SH3RF3: variants seen among roughly 807,000 people sequenced by gnomAD.
SH3RF3 encodes the protein SH3 domain containing ring finger 3, also known as E3 ubiquitin-protein ligase SH3RF3.
A neutral mutation model predicts 66.3 loss-of-function variants in SH3RF3; 29 were observed. The observed-to-expected ratio is 0.44, with a 90% CI of 0.33 to 0.60. SH3RF3 has a LOEUF of 0.60. SH3RF3 is among the 20% of genes least tolerant of loss of function. SH3RF3 has a pLI of 0.04. For synonymous variants in SH3RF3, 583 were observed against 532.0 expected (o/e 1.10, Z -1.32); for missense variants, 1,194 against 1,190.9 (o/e 1.00, Z -0.04).
chr2:109,374,906 C>T (rs534957576), intron 3 of SH3RF3, among the ~76,000 whole-genome samples: 9 of 152,204 alleles, frequency 5.9e-5, no homozygotes, highest in East Asian at 1.9e-4. Flanking sequence ...ACAAAGTAAA[C>T]GAGAGTGTGC....
chr2:109,169,781 C>G (rs937441733), intron 1 of SH3RF3, among the ~76,000 whole-genome samples: 1 of 151,596 alleles, frequency 6.6e-6, no homozygotes, highest in Non-Finnish European at 1.5e-5. Context: ...CATGACCCCC[C>G]AAAATCAAAT....
chr2:109,484,444 T>C (rs1292762912), intron 8 of SH3RF3, among the ~76,000 whole-genome samples: 1 of 152,096 alleles, frequency 6.6e-6, no homozygotes, highest in Non-Finnish European at 1.5e-5. Flanking sequence ...TGCTTTTTGC[T>C]AGATTTACCT....
intron 7 of SH3RF3, among the ~76,000 whole-genome samples, chr2:109,442,831 AT>A (rs551299331): frequency 8.5e-5 from 13 of 152,240 alleles, no homozygotes; most frequent in Non-Finnish European, 1.3e-4. Flanking sequence ...ATATAGTAGG[AT>A]GGTAGGTTTA....
intron 8 of SH3RF3, among the ~76,000 whole-genome samples, chr2:109,478,179 A>G (rs193066747): frequency 1.2e-4 from 19 of 152,282 alleles, no homozygotes; most frequent in East Asian, 9.7e-4. Context: ...AGTGCATTCT[A>G]TGACCTAACG....
intron 1 of SH3RF3, among the ~76,000 whole-genome samples, chr2:109,254,681 C>T (rs1347523799): frequency 2.0e-5 from 3 of 152,160 alleles, no homozygotes; most frequent in Non-Finnish European, 4.4e-5. Flanking sequence ...AGCTGTACCC[C>T]CTAATGTTGG....
intron 1 of SH3RF3, among the ~76,000 whole-genome samples, chr2:109,333,126 C>T (rs1682327973): frequency 6.6e-6 from 1 of 152,238 alleles, no homozygotes; most frequent in African/African-American, 2.4e-5. Context: ...CAGTTTCCAG[C>T]CCTAGCTCAA....
At chr2:109,471,735 AC>A (rs1415565584) in intron 8 of SH3RF3, among the ~76,000 whole-genome samples, 1 of 152,108 alleles carries the variant, frequency 6.6e-6, no homozygotes, top group Non-Finnish European at 1.5e-5. Flanking sequence ...AGCCTCACAT[AC>A]CTAATAAGAC....
intron 1 of SH3RF3, among the ~76,000 whole-genome samples, chr2:109,227,404 G>A (rs1360833552): frequency 6.6e-6 from 1 of 152,180 alleles, no homozygotes; most frequent in Non-Finnish European, 1.5e-5. Flanking sequence ...GTAACCAGCT[G>A]TTCTTCTTAC....
intron 8 of SH3RF3, among the ~76,000 whole-genome samples, chr2:109,452,876 A>AG (rs1383163487): frequency 1.0e-5 from 1 of 99,778 alleles, no homozygotes; most frequent in Non-Finnish European, 2.0e-5. Context: ...GGCTGGTGCC[A>AG]GGAGGCTGGT....
intron 8 of SH3RF3, among the ~76,000 whole-genome samples, chr2:109,486,256 C>A (rs545571622): frequency 7.2e-5 from 11 of 152,202 alleles, no homozygotes; most frequent in Non-Finnish European, 1.5e-4. Context: ...TTTTGGTCCT[C>A]ATTTCAGACC....
At chr2:109,367,870 G>C (rs1683180522) in intron 2 of SH3RF3, among the ~76,000 whole-genome samples, 1 of 152,156 alleles carries the variant, frequency 6.6e-6, no homozygotes, top group African/African-American at 2.4e-5. Context: ...TTTGATATTT[G>C]ATAGGAATCA....
chr2:109,477,303 C>CG (rs1280888277), intron 8 of SH3RF3, among the ~76,000 whole-genome samples: 1 of 152,200 alleles, frequency 6.6e-6, no homozygotes, highest in African/African-American at 2.4e-5. Flanking sequence ...ACAGCCTTCA[C>CG]GCCCAAAGAC....
At chr2:109,170,315 TCCTCTCTC>T (rs1209371436) in intron 1 of SH3RF3, among the ~76,000 whole-genome samples, 1 of 140,188 alleles carries the variant, frequency 7.1e-6, no homozygotes, top group Admixed American at 7.4e-5. Context: ...TTCTCTTCTC[TCCTCTCTC>T]TCTCTCCTCT....
intron 1 of SH3RF3, among the ~76,000 whole-genome samples, chr2:109,185,648 G>A (rs558293942): frequency 4.3e-4 from 66 of 152,288 alleles, no homozygotes; most frequent in African/African-American, 1.6e-3. Context: ...ACAGCCCTCA[G>A]ACACTCCTGG....
intron 1 of SH3RF3, among the ~76,000 whole-genome samples, chr2:109,210,420 G>A (rs1678946439): frequency 6.6e-6 from 1 of 152,230 alleles, no homozygotes; most frequent in South Asian, 2.1e-4. Context: ...TGTAGGCATT[G>A]AGCACAGTGA....
intron 1 of SH3RF3, among the ~76,000 whole-genome samples, chr2:109,261,517 G>T (rs2105291004): frequency 6.6e-6 from 1 of 152,208 alleles, no homozygotes; most frequent in South Asian, 2.1e-4. Context: ...ACCTGTGTGT[G>T]CAGCAGCCAG....
At chr2:109,259,691 GGAA>G (rs1246505608) in intron 1 of SH3RF3, among the ~76,000 whole-genome samples, 2 of 152,330 alleles carry the variant, frequency 1.3e-5, no homozygotes, top group East Asian at 1.9e-4. Context: ...CACGGCCTAC[GGAA>G]GAAGAATTTG....
At chr2:109,387,636 A>G (rs941633372) in intron 3 of SH3RF3, among the ~76,000 whole-genome samples, 1 of 151,890 alleles carries the variant, frequency 6.6e-6, no homozygotes, top group East Asian at 1.9e-4. Context: ...CCCCTATTTA[A>G]CCTGCAGCCC....
chr2:109,201,091 C>T (rs982991419), intron 1 of SH3RF3, among the ~76,000 whole-genome samples: 2 of 152,344 alleles, frequency 1.3e-5, no homozygotes, highest in East Asian at 3.9e-4. Flanking sequence ...ACTCTCAGTT[C>T]TCTCCCCTGT....
Sources: gnomAD v4.1 joint callset for allele counts (sites outside exome capture counted in the v4.1 genomes callset) on GRCh38, gnomAD v4.1.1 for gene constraint, MANE v1.5 for transcripts, NCBI Gene and HGNC (gene_info 2026-07-23, HGNC 2026-07-21) for gene names.